NEK10: variants seen among roughly 807,000 people sequenced by gnomAD.
NEK10 encodes serine/threonine-protein kinase Nek10.
Under a neutral mutation model 159.8 loss-of-function variants are expected in NEK10, and 122 were observed. The ratio of observed to expected loss-of-function variants is 0.76; its 90% CI spans 0.66 to 0.89. The LOEUF (loss-of-function observed/expected upper bound fraction) is 0.89, where lower values mean the gene tolerates loss of function less well. Ranked by LOEUF, NEK10 falls within the 40% of genes least tolerant of loss-of-function variation. NEK10 has a pLI of 0.00. For synonymous variants in NEK10, 466 were observed against 457.1 expected, an observed-to-expected ratio of 1.02 and a Z score of -0.25; for missense variants, 1,342 against 1,323.1, an observed-to-expected ratio of 1.01 and a Z score of -0.22.
rs1366038858 is a variant in NEK10 at position 27,293,635 on chromosome 3, G to A, written c.1326C>T (p.Ala442=). The A allele has an allele frequency of 6.4e-7, 1 of 1,573,822 alleles. No homozygotes were observed. Among genetic ancestry groups the A allele is most frequent in the African/African-American group, 1.4e-5 (1 of 73,950 alleles). ...TTTCCATACTGAAGAGAAATCTCAA[G>A]GCTCTGAAAGCATAACACTAGAAAA... is the stretch of plus-strand genomic sequence containing the variant. ...SNLLQCYAFR[A]LRFLFSMERN... Residue 442 remains alanine (A), a synonymous_variant, in exon 16 of 36, where the codon GCC becomes GCT. Transcript: ENST00000691995.
At chr3:27,300,328 C>T (rs925452703) in intron 13 of NEK10, among the ~76,000 whole-genome samples, 21 of 152,070 alleles carry the variant, frequency 1.4e-4, no homozygotes, top group African/African-American at 4.8e-4. Context: ...CCCTCTCTTG[C>T]CTGCCATCAT....
chr3:27,285,055 G>T (rs1050757636), intron 20 of NEK10, 94 bp from the exon 21 acceptor site: 1 of 893,882 alleles, frequency 1.1e-6, no homozygotes. Context: ...CCCAGTGTCT[G>T]TGCGGGACAC....
intron 26 of NEK10, among the ~76,000 whole-genome samples, chr3:27,177,343 A>C (rs940430828): frequency 6.6e-6 from 1 of 152,102 alleles, no homozygotes; most frequent in Non-Finnish European, 1.5e-5. Context: ...GGAGATCAAG[A>C]TCATCCTGGC....
chr3:27,209,363 G>T (rs1439318365), intron 23 of NEK10, among the ~76,000 whole-genome samples: 2 of 152,076 alleles, frequency 1.3e-5, no homozygotes, highest in African/African-American at 4.8e-5. Context: ...ACTATCTATG[G>T]TTTTCTGCAC....
At chr3:27,140,014 G>A (rs1943627572) in intron 31 of NEK10, among the ~76,000 whole-genome samples, 1 of 152,192 alleles carries the variant, frequency 6.6e-6, no homozygotes, top group Admixed American at 6.5e-5. Flanking sequence ...GACAGCACTT[G>A]ACCACTAATA....
intron 32 of NEK10, among the ~76,000 whole-genome samples, chr3:27,131,274 C>T (rs1451832384): frequency 2.6e-5 from 4 of 152,062 alleles, no homozygotes; most frequent in Admixed American, 6.6e-5. Context: ...AGGGCTGTAT[C>T]GAAAGGTCTA....
chr3:27,315,273 G>C (rs1176552005), intron 6 of NEK10, among the ~76,000 whole-genome samples: 1 of 152,144 alleles, frequency 6.6e-6, no homozygotes, highest in Non-Finnish European at 1.5e-5. Flanking sequence ...GCGTGGGAGA[G>C]AACAGTCTAG....
chr3:27,156,971 TATATA>T (rs1945526228), intron 30 of NEK10, among the ~76,000 whole-genome samples: 1 of 117,334 alleles, frequency 8.5e-6, no homozygotes, highest in African/African-American at 3.2e-5. Flanking sequence ...TATATATATA[TATATA>T]TATGATGAAA....
chr3:27,216,900 A>G (rs1438794800), intron 23 of NEK10, among the ~76,000 whole-genome samples: 2 of 152,264 alleles, frequency 1.3e-5, no homozygotes, highest in African/African-American at 4.8e-5. Context: ...TCATCAGAGT[A>G]TGAACAATTT....
At chr3:27,181,872 A>G (rs987103265) in intron 26 of NEK10, among the ~76,000 whole-genome samples, 3 of 152,196 alleles carry the variant, frequency 2.0e-5, no homozygotes, top group African/African-American at 7.2e-5. Context: ...ATTTTTTAAA[A>G]TGTTGCCAAG....
intron 8 of NEK10, 106 bp from the exon 9 acceptor site, chr3:27,311,122 G>T: frequency 1.5e-6 from 1 of 686,022 alleles, no homozygotes; most frequent in East Asian, 2.7e-5. Context: ...AAAGGTCAAA[G>T]GGAACACAGC....
At chr3:27,120,293 T>G (rs1409808273) in intron 32 of NEK10, among the ~76,000 whole-genome samples, 1 of 152,100 alleles carries the variant, frequency 6.6e-6, no homozygotes, top group East Asian at 1.9e-4. Flanking sequence ...TCCTTTTTGT[T>G]TGACCAAGGA....
chr3:27,191,419 A>G (rs1949110332), intron 26 of NEK10, among the ~76,000 whole-genome samples: 1 of 152,262 alleles, frequency 6.6e-6, no homozygotes, highest in African/African-American at 2.4e-5. Context: ...AGAAAATAAG[A>G]GACAGCAACA....
At chr3:27,205,347 G>A (rs1197655805) in intron 23 of NEK10, among the ~76,000 whole-genome samples, 1 of 136,806 alleles carries the variant, frequency 7.3e-6, no homozygotes, top group Non-Finnish European at 1.6e-5. Flanking sequence ...CACAGAATTG[G>A]AAAAAACTAC....
At chr3:27,328,033 T>C (rs2046135149) in intron 5 of NEK10, among the ~76,000 whole-genome samples, 1 of 152,176 alleles carries the variant, frequency 6.6e-6, no homozygotes, top group Admixed American at 6.5e-5. Flanking sequence ...CAGGTCTTTG[T>C]TCTTTCTCTG....
intron 26 of NEK10, among the ~76,000 whole-genome samples, chr3:27,178,384 A>G (rs550902851): frequency 3.9e-5 from 6 of 152,324 alleles, no homozygotes; most frequent in Admixed American, 3.9e-4. Context: ...AAAGCATAAC[A>G]ACAGCTATAT....
intron 25 of NEK10, among the ~76,000 whole-genome samples, chr3:27,198,266 TA>T (rs535720912): frequency 8.0e-6 from 1 of 125,636 alleles, no homozygotes; most frequent in Non-Finnish European, 1.7e-5. Flanking sequence ...TTCACACCAC[TA>T]AAAAAAGGAT....
At chr3:27,162,858 A>G (rs897994840) in intron 29 of NEK10, 120 bp from the exon 30 acceptor site, 1 of 1,353,452 alleles carries the variant, frequency 7.4e-7, no homozygotes, top group African/African-American at 1.5e-5. Context: ...TTCCCTCAAG[A>G]TGCTCTCAAG....
At chr3:27,350,569 A>AT (rs950912380) in intron 3 of NEK10, among the ~76,000 whole-genome samples, 11 of 152,090 alleles carry the variant, frequency 7.2e-5, no homozygotes, top group African/African-American at 2.7e-4. Flanking sequence ...CAGTATTTTT[A>AT]TTTTTTTAGC....
Sources: gnomAD v4.1 joint callset for allele counts (sites outside exome capture counted in the v4.1 genomes callset) on GRCh38, gnomAD v4.1.1 for gene constraint, MANE v1.5 for transcripts, NCBI Gene and HGNC (gene_info 2026-07-23, HGNC 2026-07-21) for gene names.